Variants in DUSP16 observed in about 807,000 individuals in gnomAD.
The protein encoded by DUSP16 is dual specificity protein phosphatase 16.
A neutral mutation model predicts 58.3 loss-of-function variants in DUSP16; 21 were observed. The observed-to-expected ratio is 0.36, with a 90% CI of 0.26 to 0.52. The LOEUF is 0.52. Ranked by LOEUF, DUSP16 falls within the 20% of genes least tolerant of loss-of-function variation. The pLI, the probability that DUSP16 is intolerant of heterozygous loss-of-function variation, is 0.94. For synonymous variants in DUSP16, 320 were observed against 323.8 expected, an observed-to-expected ratio of 0.99 and a Z score of 0.12; for missense variants, 726 against 819.0, an observed-to-expected ratio of 0.89 and a Z score of 1.39.
intron 3 of DUSP16, among the ~76,000 whole-genome samples, chr12:12,507,460 G>A (rs1293374371): frequency 6.6e-6 from 1 of 152,174 alleles, no homozygotes; most frequent in Non-Finnish European, 1.5e-5. Context: ...GGATTCCATG[G>A]TTATACAAAG....
Position 12,521,105 on chromosome 12 carries a change from A to G in DUSP16, c.-7T>C, listed in dbSNP as rs750622293. On this transcript the variant is annotated 5_prime_UTR_variant, in exon 2 of 7. Coordinates refer to ENST00000298573, the MANE Select transcript of DUSP16 (RefSeq NM_030640.3). ...CAATCATCTCATGGGCCATGACAACAATAAGTCCTCTTTTCCCACCTCCTT... is the reference window on the plus strand; with the variant it reads ...CAATCATCTCATGGGCCATGACAACGATAAGTCCTCTTTTCCCACCTCCTT... 1 of 1,613,636 alleles carries G rather than the reference A, an allele frequency of 6.2e-7. No homozygotes were observed.
chr12:12,476,797 A>G lies in DUSP16; in HGVS notation c.*36T>C, dbSNP rs780800182. ...GGGAATTTTTTTGTGAACAAGAAAAAAAAATTGTCTATAGAAGTCACAAGT... is the reference window on the plus strand; with the variant it reads ...GGGAATTTTTTTGTGAACAAGAAAAGAAAATTGTCTATAGAAGTCACAAGT... On this transcript the variant is annotated 3_prime_UTR_variant, in exon 7 of 7. Transcript: ENST00000298573. The G allele has an allele frequency of 4.6e-6, 7 of 1,518,800 alleles. No homozygotes were observed. In the Admixed American group the frequency reaches 1.3e-4, roughly 29 times the overall value. The allele number at this position is 1,518,800 out of a possible 1,614,324, so 94.1% of individuals were successfully genotyped here. A position where few individuals can be genotyped will look rare whatever the true frequency, so the allele number is the denominator to read the frequency against.
intron 3 of DUSP16, among the ~76,000 whole-genome samples, chr12:12,501,066 T>C (rs915192739): frequency 1.3e-5 from 2 of 152,218 alleles, no homozygotes; most frequent in African/African-American, 2.4e-5. Context: ...AGAATGGGGA[T>C]GTAAGAAATG....
At chr12:12,484,542 A>G (rs1943640133) in intron 5 of DUSP16, among the ~76,000 whole-genome samples, 1 of 152,160 alleles carries the variant, frequency 6.6e-6, no homozygotes, top group African/African-American at 2.4e-5. Flanking sequence ...GTAGATTTTG[A>G]TATCTGATTT....
intron 3 of DUSP16, among the ~76,000 whole-genome samples, chr12:12,515,773 G>C (rs1319292477): frequency 6.6e-6 from 1 of 151,852 alleles, no homozygotes; most frequent in Non-Finnish European, 1.5e-5. Context: ...AATGGTAATA[G>C]AGAACTTTTT....
At chr12:12,547,966 A>C (rs1314469817) in intron 1 of DUSP16, among the ~76,000 whole-genome samples, 1 of 152,192 alleles carries the variant, frequency 6.6e-6, no homozygotes, top group African/African-American at 2.4e-5. Context: ...AGAAGAAGAG[A>C]ATCAACCCGA....
At chr12:12,546,577 C>T (rs1944643269) in intron 1 of DUSP16, among the ~76,000 whole-genome samples, 1 of 152,130 alleles carries the variant, frequency 6.6e-6, no homozygotes, top group Non-Finnish European at 1.5e-5. Flanking sequence ...CAATCAAGAC[C>T]TGGCAATAGG....
At chr12:12,517,726 G>A (rs1944174577) in intron 3 of DUSP16, among the ~76,000 whole-genome samples, 2 of 152,224 alleles carry the variant, frequency 1.3e-5, no homozygotes. Flanking sequence ...AGACTCTGAA[G>A]TCACCTCCTA....
intron 1 of DUSP16, among the ~76,000 whole-genome samples, chr12:12,557,061 C>A (rs1006377768): frequency 2.0e-5 from 3 of 151,970 alleles, no homozygotes; most frequent in African/African-American, 7.3e-5. Flanking sequence ...GCTAACTGAA[C>A]AGTAAACAAT....
At chr12:12,542,388 GAAAA>G (rs56822339) in intron 1 of DUSP16, among the ~76,000 whole-genome samples, 55 of 109,678 alleles carry the variant, frequency 5.0e-4, no homozygotes, top group African/African-American at 6.7e-4. Flanking sequence ...AAAGAAAAGA[GAAAA>G]AAAAAAAAAA....
intron 5 of DUSP16, among the ~76,000 whole-genome samples, chr12:12,482,148 T>C (rs1468450350): frequency 1.3e-5 from 2 of 152,206 alleles, no homozygotes; most frequent in African/African-American, 4.8e-5. Context: ...TAATTATCTA[T>C]CTCAAAACCT....
chr12:12,503,761 A>T (rs1454317599), intron 3 of DUSP16, among the ~76,000 whole-genome samples: 1 of 152,196 alleles, frequency 6.6e-6, no homozygotes, highest in Non-Finnish European at 1.5e-5. Flanking sequence ...AACTTACTAA[A>T]GGTTCTAAAA....
chr12:12,546,101 G>T (rs973130551), intron 1 of DUSP16, among the ~76,000 whole-genome samples: 1 of 152,060 alleles, frequency 6.6e-6, no homozygotes, highest in Non-Finnish European at 1.5e-5. Flanking sequence ...AAAATAAATG[G>T]ATAATGAAAA....
intron 1 of DUSP16, among the ~76,000 whole-genome samples, chr12:12,549,148 C>T (rs942543000): frequency 2.0e-5 from 3 of 152,052 alleles, no homozygotes; most frequent in South Asian, 4.1e-4. Context: ...AGCCTCTTTA[C>T]CATCGACATC....
At chr12:12,518,524 A>C (rs1488118946) in intron 3 of DUSP16, among the ~76,000 whole-genome samples, 2 of 152,016 alleles carry the variant, frequency 1.3e-5, no homozygotes, top group Non-Finnish European at 2.9e-5. Context: ...AAAAAAAAAA[A>C]AGAAAAGAAA....
intron 5 of DUSP16, among the ~76,000 whole-genome samples, chr12:12,486,415 A>G (rs377306567): frequency 6.6e-6 from 1 of 152,084 alleles, no homozygotes; most frequent in African/African-American, 2.4e-5. Context: ...AAGCCCAGGA[A>G]GCACAACAAA....
Position 12,485,786 on chromosome 12 carries a change from CTTTTT to C in DUSP16, c.691+1237_691+1241del, listed in dbSNP as rs749939375. ...AAGCCCCTGTGCCTGGCCAATTCCA[CTTTTT>C]TTTTTTTTTTTTTTTTTTTGGAGAC... On this transcript the variant is annotated intron_variant, in intron 5 of 6. Coordinates refer to ENST00000298573, the MANE Select transcript of DUSP16 (RefSeq NM_030640.3). Among the ~76,000 whole-genome samples the C allele has an allele frequency of 2.7e-4, 29 of 107,696 alleles. No individual in the cohort carries two copies. In the East Asian group the frequency reaches 6.4e-3, roughly 24 times the overall value. 70.7% of individuals were successfully genotyped at this position (107,696 alleles called of 152,430 possible). A position where few individuals can be genotyped will look rare whatever the true frequency, so the allele number is the denominator to read the frequency against.
chr12:12,511,748 T>C (rs1050184826), intron 3 of DUSP16, among the ~76,000 whole-genome samples: 3 of 152,064 alleles, frequency 2.0e-5, no homozygotes, highest in Non-Finnish European at 4.4e-5. Flanking sequence ...GGCAAGCCTT[T>C]TGCTTTTCCA....
At chr12:12,547,451 A>C (rs1360523099) in intron 1 of DUSP16, among the ~76,000 whole-genome samples, 2 of 130,364 alleles carry the variant, frequency 1.5e-5, no homozygotes, top group Non-Finnish European at 3.3e-5. Context: ...AACAAACAAA[A>C]AAAAGCAAAA....
Sources: allele counts gnomAD v4.1 joint callset (sites outside exome capture counted in the v4.1 genomes callset), GRCh38; gene constraint gnomAD v4.1.1; transcripts MANE v1.5; gene names NCBI Gene and HGNC (gene_info 2026-07-23, HGNC 2026-07-21).